ART5: variants seen among roughly 807,000 people sequenced by gnomAD.
ART5 encodes the protein ecto-ADP-ribosyltransferase 5.
Under a neutral mutation model 25.0 loss-of-function variants are expected in ART5, and 22 were observed. The ratio of observed to expected loss-of-function variants is 0.88; its 90% confidence interval spans 0.63 to 1.26. ART5 has a LOEUF of 1.26. Ranked by LOEUF, ART5 falls within the 50% of genes most tolerant of loss-of-function variation. ART5 has a pLI of 0.00. For synonymous variants in ART5, 161 were observed against 154.8 expected (o/e 1.04, Z -0.30); for missense variants, 402 against 372.8 (o/e 1.08, Z -0.64).
In ART5 at chr11:3,638,538, G is replaced by A. The variant is rs2271585; in HGVS notation, c.*200C>T. The A allele has an allele frequency of 0.12, 73,508 of 633,022 alleles. 4,413 individuals carry two copies. Among genetic ancestry groups the A allele is most frequent in the East Asian group, 0.16 (6,074 of 36,870 alleles). 39.2% of individuals were successfully genotyped at this position (633,022 alleles called of 1,614,324 possible). On this transcript the variant is annotated 3_prime_UTR_variant, in exon 4 of 4. Transcript: ENST00000397068. ...CCACACTGCAATACCATTTAATCACGTAGCTACCTCAATAAAACTCCATGT... is the reference window on the plus strand; with the variant it reads ...CCACACTGCAATACCATTTAATCACATAGCTACCTCAATAAAACTCCATGT...
chr11:3,642,196 G>C, upstream of ART5: 2 of 1,171,158 alleles, frequency 1.7e-6, no homozygotes, highest in Non-Finnish European at 2.1e-6. Context: ...TGCGGAAGCC[G>C]CCAGCGGGAG....
chr11:3,638,976 C>G (rs1287793900), intron 3 of ART5, 27 bp downstream of exon 3: 1 of 1,560,626 alleles, frequency 6.4e-7, no homozygotes, highest in Admixed American at 1.9e-5. Context: ...GTCAAAGCAG[C>G]TGAAGGAGGA....
Position 3,640,175 on chromosome 11 carries a change from G to A in ART5, c.254C>T (p.Pro85Leu), listed in dbSNP as rs1199285800. The A allele has an allele frequency of 3.1e-6, 5 of 1,613,956 alleles. No homozygotes were observed. In the African/African-American group the frequency reaches 5.3e-5, roughly 17 times the overall value. Reference protein sequence around the residue: ...WEDKRRGLTLPPGFKAQNGIA... With the variant: ...WEDKRRGLTLLPGFKAQNGIA... ...TCCATTCTGGGCTTTGAAGCCAGGG[G>A]GCAAGGTAAGCCCTCGACGCTTGTC... Residue 85 changes from proline to leucine, a missense_variant, in exon 2 of 4, where the codon CCC becomes CTC. Coordinates refer to ENST00000397068, the MANE Select transcript of ART5 (RefSeq NM_053017.5).
In ART5 at chr11:3,639,732, T is replaced by C. The variant is rs1447528287; in HGVS notation, c.697A>G (p.Thr233Ala). Reference sequence around the variant, plus strand: ...TGGGCTCCATCCTGAGAGAATCTGGTAACCAAAAAGACTTCATGGGGGGGA... The same window carrying C: ...TGGGCTCCATCCTGAGAGAATCTGGCAACCAAAAAGACTTCATGGGGGGGA... ...LIPPHEVFLV[T>A]RFSQDGAQSL... The change falls in exon 2 of 4, where the codon ACC becomes GCC. Residue 233 changes from threonine to alanine, a missense_variant. Transcript: ENST00000397068. 4 of 1,614,046 alleles carry C rather than the reference T, an allele frequency of 2.5e-6. No homozygotes were observed. The highest frequency in any genetic ancestry group is 3.4e-6 in the Non-Finnish European group (4 of 1,180,014).
At chr11:3,642,069 C>T, upstream of ART5, 2 of 1,419,588 alleles carry the variant, frequency 1.4e-6, no homozygotes, top group Non-Finnish European at 1.8e-6. Flanking sequence ...CCCCGACTCC[C>T]CACACCCCTT....
Position 3,639,851 on chromosome 11 carries a change from C to A in ART5, c.578G>T (p.Arg193Ile). Reference protein sequence around the residue: ...SSSLDKAVAHRFGNATLFSLT... With the variant: ...SSSLDKAVAHIFGNATLFSLT... ...AGAGAAGAGGGTGGCATTACCAAAT[C>A]TGTGGGCCACTGCCTTATCCAGGGA... The change falls in exon 2 of 4, where the codon AGA becomes ATA. Residue 193 changes from arginine to isoleucine, a missense_variant. Transcript: ENST00000397068. 1 of 1,614,220 alleles carries A rather than the reference C, an allele frequency of 6.2e-7. No individual in the cohort carries two copies. The highest frequency in any genetic ancestry group is 8.5e-7 in the Non-Finnish European group (1 of 1,180,034).
chr11:3,639,790 G>A lies in ART5; in HGVS notation c.639C>T (p.Phe213=), dbSNP rs140453940. 413 of 1,614,222 alleles carry A rather than the reference G, an allele frequency of 2.6e-4. No homozygotes were observed. Among genetic ancestry groups the A allele is most frequent in the African/African-American group, 1.0e-3 (78 of 75,062 alleles). Residue 213 remains phenylalanine (F), a synonymous_variant, in exon 2 of 4, where the codon TTC becomes TTT. Coordinates refer to ENST00000397068, the MANE Select transcript of ART5 (RefSeq NM_053017.5). ...CCTCGCGCTCCTTGGGAAAGACAGA[G>A]AAGGCCTGTATAGGGGCCCCAAAGC... The part of the protein sequence containing the change: ...TTCFGAPIQA[F]SVFPKEREVL...
chr11:3,638,894 C>T (rs988826038), intron 3 of ART5, 101 bp from the exon 4 acceptor site: 3 of 1,608,970 alleles, frequency 1.9e-6, no homozygotes, highest in Admixed American at 1.7e-5. Context: ...AGGAGGCCCC[C>T]TCAGATTGTG....
chr11:3,640,149 T>C lies in ART5; in HGVS notation c.280A>G (p.Ile94Val), dbSNP rs1160684456. Reference protein sequence around the residue: ...LPPGFKAQNGIAIMVYTNSSN... With the variant: ...LPPGFKAQNGVAIMVYTNSSN... ...GAGTTGGTGTAGACCATAATGGCTATTCCATTCTGGGCTTTGAAGCCAGGG... is the reference window on the plus strand; with the variant it reads ...GAGTTGGTGTAGACCATAATGGCTACTCCATTCTGGGCTTTGAAGCCAGGG... The change falls in exon 2 of 4, where the codon ATA becomes GTA. Residue 94 changes from isoleucine (I) to valine (V), a missense_variant. Ile to Val is a conservative substitution (Grantham distance 29). Coordinates refer to ENST00000397068, the MANE Select transcript of ART5 (RefSeq NM_053017.5). 4.3e-6 allele frequency: 7 copies of C among 1,614,076 alleles called. No homozygotes were observed. The Admixed American group carries it at 1.0e-4, about 23-fold the overall frequency.
At chr11:3,641,653 G>A (rs778724987) in intron 1 of ART5, among the ~76,000 whole-genome samples, 153 bp downstream of exon 1, 2 of 152,174 alleles carry the variant, frequency 1.3e-5, no homozygotes, top group Non-Finnish European at 2.9e-5. Context: ...GCTCCCTGCA[G>A]AGATGGAGGT....
chr11:3,640,854 C>T lies in ART5; in HGVS notation c.58-483G>A, dbSNP rs554457906. Among the ~76,000 whole-genome samples, 13 of 152,276 alleles carry T rather than the reference C, an allele frequency of 8.5e-5. No individual in the cohort carries two copies. The South Asian group carries it at 2.5e-3, about 29-fold the overall frequency. On this transcript the variant is annotated intron_variant, in intron 1 of 3. Coordinates refer to ENST00000397068, the MANE Select transcript of ART5 (RefSeq NM_053017.5). The stretch of plus-strand genomic sequence containing the variant: ...CCTCCCGGGTTCAAGCAATTCTCCT[C>T]TCTCAGCCTCCCAAGTAGCTAGGAT...
intron 1 of ART5, among the ~76,000 whole-genome samples, chr11:3,641,105 G>A (rs2077389502): frequency 6.6e-6 from 1 of 152,116 alleles, no homozygotes; most frequent in Non-Finnish European, 1.5e-5. Flanking sequence ...AACTTTTCTG[G>A]ACTTGAGGAT....
At chr11:3,642,201 C>A (rs781756559), upstream of ART5, 16 of 1,159,016 alleles carry the variant, frequency 1.4e-5, no homozygotes, top group Non-Finnish European at 1.6e-5. Context: ...AAGCCGCCAG[C>A]GGGAGGGAGC....
intron 1 of ART5, among the ~76,000 whole-genome samples, chr11:3,641,384 G>A (rs2077394503): frequency 6.6e-6 from 1 of 152,190 alleles, no homozygotes; most frequent in Non-Finnish European, 1.5e-5. Context: ...GCAGGTAGGT[G>A]CTCAGCCACC....
chr11:3,639,638 T>C lies in ART5; in HGVS notation c.787+4A>G. On this transcript the variant is annotated splice_donor_region_variant and intron_variant, in intron 2 of 3. Coordinates refer to ENST00000397068, the MANE Select transcript of ART5 (RefSeq NM_053017.5). ...CAGTCCTGCTTCCCCCATGCACAGCTTACCACCCAGATAGGCGCAGTTAAA... is the reference window on the plus strand; with the variant it reads ...CAGTCCTGCTTCCCCCATGCACAGCCTACCACCCAGATAGGCGCAGTTAAA... 1 of 1,608,544 alleles carries C rather than the reference T, an allele frequency of 6.2e-7. No individual in the cohort carries two copies. Among genetic ancestry groups the C allele is most frequent in the Non-Finnish European group, 8.5e-7 (1 of 1,177,530 alleles).
chr11:3,640,506 AG>A, intron 1 of ART5, 135 bp from the exon 2 acceptor site: 1 of 1,154,740 alleles, frequency 8.7e-7, no homozygotes, highest in Non-Finnish European at 1.2e-6. Context: ...CAATTTGGCA[AG>A]GGCCCAATAA....
At position 3,638,719 on chromosome 11, in the gene ART5, G is replaced by C. The variant is rs149598873; in HGVS notation, c.*19C>G. 3.2e-5 allele frequency: 52 copies of C among 1,613,984 alleles called. No homozygotes were observed. Among genetic ancestry groups the C allele is most frequent in the Non-Finnish European group, 4.4e-5 (52 of 1,180,014 alleles). On this transcript the variant is annotated 3_prime_UTR_variant, in exon 4 of 4. Coordinates refer to ENST00000397068, the MANE Select transcript of ART5 (RefSeq NM_053017.5). The stretch of plus-strand genomic sequence containing the variant: ...GGAGAAGGCTGCTAGGGCTGGGTCC[G>C]GAACCATGTTCTTGCTTCTCAAGGC...
Position 3,641,988 on chromosome 11 carries a change from G to A in ART5, c.-126C>T. ...CCAGGCGCACGGGATCCCGGGTCCA[G>A]GATTAGGGCCCCGGCGGGGCGTGGG... is the stretch of plus-strand genomic sequence containing the variant. On this transcript the variant is annotated 5_prime_UTR_variant, in exon 1 of 4. Coordinates refer to ENST00000397068, the MANE Select transcript of ART5 (RefSeq NM_053017.5). 6.9e-7 allele frequency: 1 copy of A among 1,444,160 alleles called. No individual in the cohort carries two copies. Among genetic ancestry groups the A allele is most frequent in the Non-Finnish European group, 9.1e-7 (1 of 1,094,526 alleles). The allele number at this position is 1,444,160 out of a possible 1,614,324, so 89.5% of individuals were successfully genotyped here.
chr11:3,641,772 C>T (rs1256710144), intron 1 of ART5, 34 bp downstream of exon 1: 3 of 1,561,878 alleles, frequency 1.9e-6, no homozygotes, highest in East Asian at 2.3e-5. Flanking sequence ...CCTTAATGTC[C>T]CCCTTGGGGC....
Sources: allele counts gnomAD v4.1 joint callset (sites outside exome capture counted in the v4.1 genomes callset), GRCh38; gene constraint gnomAD v4.1.1; transcripts MANE v1.5; gene names NCBI Gene and HGNC (gene_info 2026-07-23, HGNC 2026-07-21).